Variants in CELF4 observed in about 807,000 individuals in gnomAD.
CELF4 encodes CUGBP Elav-like family member 4.
A neutral mutation model predicts 59.9 loss-of-function variants in CELF4; 18 were observed. That is an observed-to-expected ratio of 0.30 (90% CI 0.21 to 0.45). CELF4 has a LOEUF of 0.45. Among genes scored for constraint, CELF4 ranks in the 20% least tolerant of loss-of-function variants. The probability of loss-of-function intolerance (pLI) is 1.00; values close to 1 mark genes in which losing one functional copy is unlikely to be tolerated. For synonymous variants in CELF4, 261 were observed against 267.1 expected (o/e 0.98, Z 0.22); for missense variants, 456 against 689.0 (o/e 0.66, Z 3.79).
chr18:37,303,140 C>T (rs1323310443), intron 3 of CELF4, among the ~76,000 whole-genome samples: 1 of 152,114 alleles, frequency 6.6e-6, no homozygotes, highest in Admixed American at 6.5e-5. Context: ...ATTTGAACCC[C>T]CTGGGTGAAG....
intron 1 of CELF4, among the ~76,000 whole-genome samples, chr18:37,489,102 C>T (rs1051425243): frequency 8.5e-5 from 13 of 152,324 alleles, no homozygotes; most frequent in Non-Finnish European, 2.9e-5. Flanking sequence ...CTCTGTGAGG[C>T]GGGAGCGGCT....
At chr18:37,370,403 C>G (rs2098844893) in intron 2 of CELF4, among the ~76,000 whole-genome samples, 1 of 152,138 alleles carries the variant, frequency 6.6e-6, no homozygotes, top group Non-Finnish European at 1.5e-5. Flanking sequence ...GTATGGCAGG[C>G]TGGAGGTGCC....
At chr18:37,402,971 GCCCC>G (rs2099347725) in intron 2 of CELF4, among the ~76,000 whole-genome samples, 1 of 152,218 alleles carries the variant, frequency 6.6e-6, no homozygotes, top group Admixed American at 6.5e-5. Flanking sequence ...CATGCACAGG[GCCCC>G]ATGTGGCTTC....
intron 1 of CELF4, among the ~76,000 whole-genome samples, chr18:37,507,345 G>A (rs1240976647): frequency 2.0e-5 from 3 of 152,096 alleles, no homozygotes; most frequent in East Asian, 1.9e-4. Context: ...GTTGTTATTC[G>A]GGACAGAAAT....
intron 2 of CELF4, among the ~76,000 whole-genome samples, chr18:37,355,069 A>G (rs549974): frequency 0.028 from 4,234 of 152,220 alleles, 192 homozygotes; most frequent in African/African-American, 0.096. Flanking sequence ...ACGCATGTGC[A>G]TTTGTGTTCC....
intron 1 of CELF4, among the ~76,000 whole-genome samples, chr18:37,516,601 G>C (rs931381007): frequency 1.3e-5 from 2 of 152,232 alleles, no homozygotes; most frequent in African/African-American, 4.8e-5. Flanking sequence ...ACTGTGGTCA[G>C]CATTTTATAT....
rs1007690468 is a variant in CELF4, at chr18:37,245,149, T to C, written c.*93A>G. 3.9e-5 allele frequency: 6 copies of C among 152,320 alleles called. No individual in the cohort carries two copies. Among genetic ancestry groups the C allele is most frequent in the African/African-American group, 1.2e-4 (5 of 41,358 alleles). 9.4% of individuals were successfully genotyped at this position (152,320 alleles called of 1,614,324 possible). A position where few individuals can be genotyped will look rare whatever the true frequency, so the allele number is the denominator to read the frequency against. ...ATCCAACAGTTCTCATTTATAAATA[T>C]ATATAGAGAGAGGTTTGTTTTTTAA... is the stretch of plus-strand genomic sequence containing the variant. On this transcript the variant is annotated 3_prime_UTR_variant, in exon 13 of 13. Coordinates refer to ENST00000420428, the MANE Select transcript of CELF4 (RefSeq NM_020180.4). This position sits in a 1 kb window ranked among gnomAD's most constrained non-coding sequence, Gnocchi z 4.1.
At chr18:37,329,812 GAGT>G (rs2097471239) in intron 2 of CELF4, among the ~76,000 whole-genome samples, 1 of 152,266 alleles carries the variant, frequency 6.6e-6, no homozygotes, top group Admixed American at 6.5e-5. Context: ...CGAAACCCAA[GAGT>G]AGGACTCTTC....
intron 2 of CELF4, among the ~76,000 whole-genome samples, chr18:37,473,060 AG>A (rs1163191521): frequency 1.3e-5 from 2 of 152,062 alleles, no homozygotes; most frequent in Non-Finnish European, 2.9e-5. Context: ...GGGACAGCCC[AG>A]GCCACTGGCA....
chr18:37,499,004 C>T (rs1265871557), intron 1 of CELF4, among the ~76,000 whole-genome samples: 2 of 152,200 alleles, frequency 1.3e-5, no homozygotes, highest in African/African-American at 4.8e-5. Flanking sequence ...CTTAAATTCC[C>T]TACAGTGTGA....
chr18:37,280,162 G>T (rs764908543), intron 3 of CELF4, among the ~76,000 whole-genome samples: 3 of 152,178 alleles, frequency 2.0e-5, no homozygotes, highest in Non-Finnish European at 4.4e-5. Context: ...CCCCACCTGC[G>T]CAGGAGCTGG....
At chr18:37,531,169 G>A (rs1603643532) in intron 1 of CELF4, among the ~76,000 whole-genome samples, 1 of 152,192 alleles carries the variant, frequency 6.6e-6, no homozygotes, top group Non-Finnish European at 1.5e-5. Context: ...GCCCTCTGAG[G>A]CCAGGGCTGC....
chr18:37,275,391 A>AGGGGGACGGGGGC (rs2092961762), intron 3 of CELF4, 148 bp from the exon 4 acceptor site: 1 of 12,150 alleles, frequency 8.2e-5, no homozygotes, highest in Non-Finnish European at 1.7e-4. Context: ...GGTGCGGGGG[A>AGGGGGACGGGGGC]GGGGGACGGG....
chr18:37,439,383 T>C (rs934093214), intron 2 of CELF4, among the ~76,000 whole-genome samples: 3 of 152,144 alleles, frequency 2.0e-5, no homozygotes, highest in Non-Finnish European at 4.4e-5. Flanking sequence ...GAGGGCTTTT[T>C]TCTGATCATG....
intron 3 of CELF4, among the ~76,000 whole-genome samples, chr18:37,294,674 T>G (rs1281123949): frequency 6.6e-6 from 1 of 152,214 alleles, no homozygotes; most frequent in African/African-American, 2.4e-5. Context: ...TTTAAAAACT[T>G]GGACCTTTGT....
intron 3 of CELF4, among the ~76,000 whole-genome samples, chr18:37,298,486 G>A (rs866156988): frequency 9.2e-5 from 14 of 152,126 alleles, no homozygotes; most frequent in African/African-American, 2.9e-4. Context: ...TTGGGAGGCC[G>A]AGGTGGGTGG....
chr18:37,534,091 G>C (rs1452891004), intron 1 of CELF4, among the ~76,000 whole-genome samples: 1 of 152,172 alleles, frequency 6.6e-6, no homozygotes, highest in African/African-American at 2.4e-5. Flanking sequence ...CAGGCTCCTG[G>C]GTATTGGCAA....
chr18:37,304,680 G>A (rs1370448924), intron 3 of CELF4, among the ~76,000 whole-genome samples: 1 of 152,242 alleles, frequency 6.6e-6, no homozygotes, highest in Non-Finnish European at 1.5e-5. Context: ...TCTGGAGGTG[G>A]GGTGAGGAGA....
chr18:37,450,757 C>T (rs1305746028), intron 2 of CELF4, among the ~76,000 whole-genome samples: 1 of 152,168 alleles, frequency 6.6e-6, no homozygotes, highest in South Asian at 2.1e-4. Context: ...CAGCCCATCT[C>T]TTTGCCTGCA....
Sources: allele counts gnomAD v4.1 joint callset (sites outside exome capture counted in the v4.1 genomes callset), GRCh38; gene constraint gnomAD v4.1.1; non-coding constraint Gnocchi (gnomAD v3.1); transcripts MANE v1.5; gene names NCBI Gene and HGNC (gene_info 2026-07-23, HGNC 2026-07-21).